PTPRN2: variants seen among roughly 807,000 people sequenced by gnomAD.
PTPRN2 encodes protein tyrosine phosphatase receptor type N2.
A neutral mutation model predicts 118.8 loss-of-function variants in PTPRN2; 74 were observed. The observed-to-expected ratio is 0.62, with a 90% CI of 0.52 to 0.76. The LOEUF is 0.76. Ranked by LOEUF, PTPRN2 falls within the 30% of genes least tolerant of loss-of-function variation. The probability of loss-of-function intolerance (pLI) is 0.00; values close to 1 mark genes in which losing one functional copy is unlikely to be tolerated. For missense variants in PTPRN2, 1,481 were observed against 1,394.4 expected (o/e 1.06, Z -0.99); for synonymous variants, 641 against 608.0 (o/e 1.05, Z -0.80).
At chr7:157,624,628 G>T (rs747854441) in intron 14 of PTPRN2, among the ~76,000 whole-genome samples, 36 of 152,184 alleles carry the variant, frequency 2.4e-4, no homozygotes, top group Non-Finnish European at 4.7e-4. Context: ...GGTTGCATGG[G>T]TACTTGAAGT....
rs944476672 is a variant in PTPRN2 at position 157,615,077 on chromosome 7, T to C, written c.2344+6285A>G. On this transcript the variant is annotated intron_variant, in intron 15 of 22. Coordinates refer to ENST00000389418, the MANE Select transcript of PTPRN2 (RefSeq NM_002847.5). The surrounding 1 kb of genome is among the most constrained non-coding windows in gnomAD (Gnocchi z 4.3). Reference sequence around the variant, plus strand: ...AGTATTTGGACGTCATGACGCCTGATACTTACTTGAAGTCGTCCAGCCAGA... The same window carrying C: ...AGTATTTGGACGTCATGACGCCTGACACTTACTTGAAGTCGTCCAGCCAGA... Among the ~76,000 whole-genome samples, 2 of 152,214 alleles carry C rather than the reference T, an allele frequency of 1.3e-5. No individual in the cohort carries two copies. The highest frequency in any genetic ancestry group is 6.5e-5 in the Admixed American group (1 of 15,286).
At chr7:158,557,280 GGCTCCTGTGCAGGTC>G (rs1226540917) in intron 1 of PTPRN2, among the ~76,000 whole-genome samples, 3 of 138,004 alleles carry the variant, frequency 2.2e-5, no homozygotes, top group East Asian at 2.3e-4. Flanking sequence ...CAGGTCAGGC[GGCTCCTGTGCAGGTC>G]GCTCCTGGGC....
intron 17 of PTPRN2, among the ~76,000 whole-genome samples, chr7:157,584,648 G>GCTCTGTTC (rs1800571828): frequency 1.3e-5 from 2 of 152,340 alleles, no homozygotes; most frequent in African/African-American, 4.8e-5. Context: ...TTTCTGTTGT[G>GCTCTGTTC]AGCGTCCTCT....
intron 1 of PTPRN2, among the ~76,000 whole-genome samples, chr7:158,508,043 G>A (rs572578833): frequency 2.0e-4 from 28 of 137,696 alleles, no homozygotes; most frequent in African/African-American, 4.8e-4. Context: ...AGGGGACAGC[G>A]CTACAGTGTT....
At chr7:158,150,088 G>A (rs540541622) in intron 6 of PTPRN2, among the ~76,000 whole-genome samples, 21 of 152,298 alleles carry the variant, frequency 1.4e-4, no homozygotes, top group South Asian at 6.2e-4. Context: ...AGAGGCCGTG[G>A]GGCAGAAGGC....
At chr7:157,711,498 C>T (rs1346214609) in intron 12 of PTPRN2, among the ~76,000 whole-genome samples, 2 of 152,170 alleles carry the variant, frequency 1.3e-5, no homozygotes, top group East Asian at 1.9e-4. Flanking sequence ...CCCTGCAGCC[C>T]GGGGGAGTCC....
intron 2 of PTPRN2, among the ~76,000 whole-genome samples, chr7:158,439,207 A>T (rs2129432453): frequency 6.6e-6 from 1 of 152,228 alleles, no homozygotes; most frequent in Middle Eastern, 3.4e-3. Flanking sequence ...ATAAAAGCAA[A>T]CTGTGCCCCC....
At chr7:158,146,517 C>A (rs1046852242) in intron 6 of PTPRN2, among the ~76,000 whole-genome samples, 2 of 151,954 alleles carry the variant, frequency 1.3e-5, no homozygotes, top group African/African-American at 2.4e-5. Flanking sequence ...GTCAGGAGAT[C>A]AAGACCATCC....
rs556758583 is a variant in PTPRN2, at chr7:158,517,365, T to G, written c.113-27580A>C. The stretch of plus-strand genomic sequence containing the variant: ...CTATCACCGCCCACCACAGGCGCAC[T>G]GTGGGCTGATGGGGTGGGCCACATA... On this transcript the variant is annotated intron_variant, in intron 1 of 22. Coordinates refer to ENST00000389418, the MANE Select transcript of PTPRN2 (RefSeq NM_002847.5). This position sits in a 1 kb window ranked among gnomAD's most constrained non-coding sequence, Gnocchi z 5.3. Among the ~76,000 whole-genome samples the G allele has an allele frequency of 6.6e-6, 1 of 152,278 alleles. No individual in the cohort carries two copies. The highest frequency in any genetic ancestry group is 2.1e-4 in the South Asian group (1 of 4,828).
intron 1 of PTPRN2, among the ~76,000 whole-genome samples, chr7:158,578,729 T>A (rs1226987833): frequency 6.6e-6 from 1 of 151,946 alleles, no homozygotes; most frequent in Non-Finnish European, 1.5e-5. Context: ...CAGTGTCTAT[T>A]GTTCCCTTAA....
intron 10 of PTPRN2, among the ~76,000 whole-genome samples, chr7:158,085,083 C>T: frequency 7.1e-6 from 1 of 140,360 alleles, no homozygotes; most frequent in East Asian, 2.3e-4. Context: ...CACACAGATG[C>T]CCATCCACAC....
chr7:157,922,758 C>T (rs966580790), intron 11 of PTPRN2, among the ~76,000 whole-genome samples: 12 of 152,178 alleles, frequency 7.9e-5, no homozygotes, highest in Admixed American at 3.9e-4. Context: ...GCTGCGGCAC[C>T]GCTGAAACCA....
intron 3 of PTPRN2, among the ~76,000 whole-genome samples, chr7:158,208,997 TATAAG>T (rs1389894066): frequency 6.6e-6 from 1 of 152,116 alleles, no homozygotes; most frequent in Non-Finnish European, 1.5e-5. Context: ...AATAATGGGT[TATAAG>T]ATGTTATTTG....
intron 13 of PTPRN2, among the ~76,000 whole-genome samples, chr7:157,660,542 A>G (rs972437371): frequency 9.2e-5 from 14 of 152,234 alleles, no homozygotes; most frequent in African/African-American, 3.4e-4. Context: ...CACTTTATAA[A>G]TGGAGATAAT....
At chr7:158,484,649 TC>T (rs1820874681) in intron 2 of PTPRN2, among the ~76,000 whole-genome samples, 1 of 152,184 alleles carries the variant, frequency 6.6e-6, no homozygotes, top group Non-Finnish European at 1.5e-5. Flanking sequence ...AGGGTGAGCC[TC>T]CGCCCTGGCC....
chr7:158,361,933 C>G (rs1241544832), intron 2 of PTPRN2, among the ~76,000 whole-genome samples: 3 of 152,208 alleles, frequency 2.0e-5, no homozygotes, highest in African/African-American at 7.2e-5. Flanking sequence ...AGCCTGGACC[C>G]TGCCTATGGA....
At chr7:158,240,020 C>T (rs552951750) in intron 3 of PTPRN2, among the ~76,000 whole-genome samples, 8 of 152,226 alleles carry the variant, frequency 5.3e-5, no homozygotes, top group East Asian at 3.9e-4. Flanking sequence ...TGGCCTCCAG[C>T]GCCTCTCCTA....
At chr7:158,497,435 G>C (rs1822034668) in intron 1 of PTPRN2, among the ~76,000 whole-genome samples, 1 of 151,672 alleles carries the variant, frequency 6.6e-6, no homozygotes, top group Non-Finnish European at 1.5e-5. Context: ...CCAGCGTTTT[G>C]GGGACCCGTC....
At chr7:157,819,019 GA>G (rs1437801665) in intron 12 of PTPRN2, among the ~76,000 whole-genome samples, 1 of 152,108 alleles carries the variant, frequency 6.6e-6, no homozygotes, top group African/African-American at 2.4e-5. Flanking sequence ...CTCCTCTCAG[GA>G]CAGAGGCCAT....
Sources: allele counts gnomAD v4.1 joint callset (sites outside exome capture counted in the v4.1 genomes callset), GRCh38; gene constraint gnomAD v4.1.1; non-coding constraint Gnocchi (gnomAD v3.1); transcripts MANE v1.5; gene names NCBI Gene and HGNC (gene_info 2026-07-23, HGNC 2026-07-21).